MYBL2: variants seen among roughly 807,000 people sequenced by gnomAD.
The protein encoded by MYBL2 is MYB proto-oncogene like 2.
In MYBL2, 28 loss-of-function variants were observed where a neutral mutation model predicts 79.9. That is an observed-to-expected ratio of 0.35 (90% CI 0.26 to 0.48). MYBL2 has a LOEUF of 0.48. Ranked by LOEUF, MYBL2 falls within the 20% of genes least tolerant of loss-of-function variation. The pLI, the probability that MYBL2 is intolerant of heterozygous loss-of-function variation, is 0.99. For synonymous variants in MYBL2, 378 were observed against 361.2 expected (o/e 1.05, Z -0.53); for missense variants, 735 against 893.9 (o/e 0.82, Z 2.27).
At chr20:43,683,864 C>G (rs950201426) in intron 4 of MYBL2, among the ~76,000 whole-genome samples, 2 of 151,546 alleles carry the variant, frequency 1.3e-5, no homozygotes. Flanking sequence ...TGGAACTAGG[C>G]GTTTTTAAAT....
chr20:43,696,413 G>T (rs914338644), intron 6 of MYBL2, among the ~76,000 whole-genome samples: 5 of 151,946 alleles, frequency 3.3e-5, no homozygotes, highest in African/African-American at 1.2e-4. Flanking sequence ...GCTAATTGGG[G>T]TTTCTCCATG....
intron 1 of MYBL2, among the ~76,000 whole-genome samples, chr20:43,668,050 G>A (rs1034821197): frequency 6.6e-6 from 1 of 152,084 alleles, no homozygotes; most frequent in African/African-American, 2.4e-5. Flanking sequence ...CCCGGAGCCA[G>A]GTCTGTGGCT....
At position 43,691,425 on chromosome 20, in the gene MYBL2, G is replaced by T. The variant is rs542853802; in HGVS notation, c.501-732G>T. On this transcript the variant is annotated intron_variant, in intron 5 of 13. Transcript: ENST00000217026. Reference sequence around the variant, plus strand: ...CAACCTCCACCTCCCGGGTTTAAGCGATTCTCATGCCTCAGACTCCCAAGT... The same window carrying T: ...CAACCTCCACCTCCCGGGTTTAAGCTATTCTCATGCCTCAGACTCCCAAGT... Among the ~76,000 whole-genome samples, 136 of 152,094 alleles carry T rather than the reference G, an allele frequency of 8.9e-4. 3 individuals are homozygous for T. The highest frequency in any genetic ancestry group is 3.4e-3 in the Middle Eastern group (1 of 294).
Position 43,681,722 on chromosome 20 carries a change from G to A in MYBL2, c.115-62G>A, listed in dbSNP as rs920941673. 2.2e-5 allele frequency: 34 copies of A among 1,553,772 alleles called. No individual in the cohort carries two copies. The African/African-American group carries it at 3.0e-4, about 14-fold the overall frequency. ...GTTCTTTTAGATTGGGCTCTGTCAC[G>A]GGCAGCCCTGAGGTTTTCTGCACGT... On this transcript the variant is annotated intron_variant, in intron 2 of 13. Transcript: ENST00000217026.
In MYBL2 at chr20:43,710,996, T is replaced by G. The variant is rs1024974140; in HGVS notation, c.1606-492T>G. 1.3e-5 allele frequency among the ~76,000 whole-genome samples: 2 copies of G among 152,252 alleles called. 1 individual carries two copies. On this transcript the variant is annotated intron_variant, in intron 10 of 13. Coordinates refer to ENST00000217026, the MANE Select transcript of MYBL2 (RefSeq NM_002466.4). ...GGCTGTGATTCGCACCTTTCACTCT[T>G]AGTAGCACTCGCCCTCCCCTGTTCT...
At chr20:43,698,078 TTTATC>T (rs999147196) in intron 6 of MYBL2, among the ~76,000 whole-genome samples, 5 of 147,000 alleles carry the variant, frequency 3.4e-5, no homozygotes, top group African/African-American at 1.0e-4. Flanking sequence ...TTTTTTTTTT[TTTATC>T]TTGTTACTGG....
At chr20:43,702,349 C>A in intron 7 of MYBL2, 141 bp from the exon 8 acceptor site, 2 of 960,408 alleles carry the variant, frequency 2.1e-6, no homozygotes, top group South Asian at 3.5e-5. Context: ...TCATAGAAAA[C>A]TTTGAGGAAA....
chr20:43,708,849 CTG>C (rs147356480), intron 9 of MYBL2, among the ~76,000 whole-genome samples: 4 of 152,310 alleles, frequency 2.6e-5, no homozygotes, highest in African/African-American at 4.8e-5. Flanking sequence ...AGATTCACCT[CTG>C]TGAATTGTGG....
At chr20:43,696,327 G>A (rs893334039) in intron 6 of MYBL2, among the ~76,000 whole-genome samples, 1 of 151,278 alleles carries the variant, frequency 6.6e-6, no homozygotes, top group Non-Finnish European at 1.5e-5. Flanking sequence ...CGCAACCTCC[G>A]CCTCCCGGGT....
chr20:43,674,629 C>T (rs1177829925), intron 2 of MYBL2, among the ~76,000 whole-genome samples: 1 of 151,948 alleles, frequency 6.6e-6, no homozygotes. Flanking sequence ...CTCCTGACCT[C>T]ATGATCTGCC....
chr20:43,697,867 A>G (rs952354670), intron 6 of MYBL2, among the ~76,000 whole-genome samples: 1 of 151,190 alleles, frequency 6.6e-6, no homozygotes, highest in Admixed American at 6.6e-5. Flanking sequence ...GTGAGCCGAG[A>G]TCGCGCCACT....
chr20:43,679,415 G>A (rs542351399), intron 2 of MYBL2, among the ~76,000 whole-genome samples: 8 of 152,292 alleles, frequency 5.3e-5, no homozygotes, highest in Non-Finnish European at 8.8e-5. Flanking sequence ...TTGTAGTTCA[G>A]TGGTGTTAAG....
chr20:43,669,986 C>T (rs536548895), intron 1 of MYBL2, among the ~76,000 whole-genome samples: 30 of 152,296 alleles, frequency 2.0e-4, no homozygotes, highest in Non-Finnish European at 3.5e-4. Flanking sequence ...CGCCTGTAAG[C>T]GCGGCTATTC....
intron 5 of MYBL2, among the ~76,000 whole-genome samples, chr20:43,691,952 C>A (rs2145721348): frequency 6.6e-6 from 1 of 151,740 alleles, no homozygotes; most frequent in Non-Finnish European, 1.5e-5. Flanking sequence ...TTGCTTATTT[C>A]ACAGAGCTTC....
At chr20:43,671,660 C>A (rs1427702820) in intron 1 of MYBL2, among the ~76,000 whole-genome samples, 1 of 151,390 alleles carries the variant, frequency 6.6e-6, no homozygotes, top group Non-Finnish European at 1.5e-5. Flanking sequence ...TTAGTAGAGA[C>A]GGGGTTTCTC....
At chr20:43,677,616 G>A (rs753226841) in intron 2 of MYBL2, among the ~76,000 whole-genome samples, 5 of 151,894 alleles carry the variant, frequency 3.3e-5, no homozygotes, top group African/African-American at 7.2e-5. Context: ...ATGGCCGCCC[G>A]GCCACCCCTA....
At chr20:43,698,888 A>C (rs1987620933) in intron 6 of MYBL2, among the ~76,000 whole-genome samples, 1 of 122,124 alleles carries the variant, frequency 8.2e-6, no homozygotes, top group South Asian at 2.7e-4. Context: ...CCCAGGCTGG[A>C]GTGCAGTGGT....
At chr20:43,688,558 T>C (rs879201987) in intron 5 of MYBL2, among the ~76,000 whole-genome samples, 1 of 152,090 alleles carries the variant, frequency 6.6e-6, no homozygotes, top group African/African-American at 2.4e-5. Context: ...TCATGGCTCA[T>C]TGCAGCTTCA....
chr20:43,693,136 G>A (rs1420342882), intron 6 of MYBL2, among the ~76,000 whole-genome samples: 1 of 152,064 alleles, frequency 6.6e-6, no homozygotes, highest in African/African-American at 2.4e-5. Flanking sequence ...GGGATCAAGC[G>A]ATCTCATGCC....
Sources: allele counts gnomAD v4.1 joint callset (sites outside exome capture counted in the v4.1 genomes callset), GRCh38; gene constraint gnomAD v4.1.1; transcripts MANE v1.5; gene names NCBI Gene and HGNC (gene_info 2026-07-23, HGNC 2026-07-21).